EIF4B: variants seen among roughly 807,000 people sequenced by gnomAD.
EIF4B encodes the protein eukaryotic translation initiation factor 4B.
In EIF4B, 8 loss-of-function variants were observed where a neutral mutation model predicts 79.3. That is an observed-to-expected ratio of 0.10 (90% CI 0.06 to 0.18). EIF4B has a LOEUF of 0.18. Ranked by LOEUF, EIF4B falls within the 10% of genes least tolerant of loss-of-function variation. The pLI is 1.00. For synonymous variants in EIF4B, 238 were observed against 274.7 expected (o/e 0.87, Z 1.32); for missense variants, 515 against 792.4 (o/e 0.65, Z 4.20).
intron 3 of EIF4B, among the ~76,000 whole-genome samples, chr12:53,019,437 A>ATTT (rs1337954535): frequency 9.8e-5 from 5 of 51,002 alleles, no homozygotes; most frequent in East Asian, 6.4e-4. Flanking sequence ...ATATATATAT[A>ATTT]TTTTTTTTTT....
rs1445720757 is a variant in EIF4B, at chr12:53,016,615, C to A, written c.151+5C>A. The A allele has an allele frequency of 6.4e-6, 10 of 1,569,538 alleles. No individual in the cohort carries two copies. The highest frequency in any genetic ancestry group is 8.6e-6 in the Non-Finnish European group (10 of 1,161,830). ...CGGATGACCTGGAAGGAGATGGTAA[C>A]TTTTCTTTTGTCATCGTGTTTGGAA... On this transcript the variant is annotated splice_donor_5th_base_variant and intron_variant, in intron 2 of 14. Transcript: ENST00000262056.
At chr12:53,013,159 A>C (rs189866649) in intron 1 of EIF4B, among the ~76,000 whole-genome samples, 7 of 152,200 alleles carry the variant, frequency 4.6e-5, no homozygotes, top group African/African-American at 1.7e-4. Context: ...TTAATTCCAC[A>C]TTCTGCTGTT....
intron 1 of EIF4B, among the ~76,000 whole-genome samples, chr12:53,012,485 C>T (rs1314945879): frequency 4.7e-5 from 7 of 149,590 alleles, no homozygotes; most frequent in Non-Finnish European, 7.4e-5. Context: ...ACCCGGGAGG[C>T]GGAGGTTTCG....
At chr12:53,030,716 C>T (rs1337336988) in intron 8 of EIF4B, among the ~76,000 whole-genome samples, 7 of 151,896 alleles carry the variant, frequency 4.6e-5, no homozygotes, top group Admixed American at 1.3e-4. Context: ...AGTGAAAAAA[C>T]TACGTTCTTA....
At chr12:53,008,048 TA>T (rs1227350860) in intron 1 of EIF4B, among the ~76,000 whole-genome samples, 1 of 152,244 alleles carries the variant, frequency 6.6e-6, no homozygotes, top group Non-Finnish European at 1.5e-5. Context: ...AAAATGTTCA[TA>T]TTTTTTTCTC....
chr12:53,011,735 C>T (rs1327263534), intron 1 of EIF4B, among the ~76,000 whole-genome samples: 2 of 152,166 alleles, frequency 1.3e-5, no homozygotes, highest in South Asian at 2.1e-4. Flanking sequence ...TTAACGGCTT[C>T]TGGACTTAGC....
At position 53,040,185 on chromosome 12, in the gene EIF4B, G is replaced by C; in HGVS notation, c.1798G>C (p.Gly600Arg). Residue 600 changes from glycine (G) to arginine (R), a missense_variant, in exon 15 of 15, where the codon GGT (glycine) becomes CGT (arginine). Gly to Arg is a moderately radical substitution (Grantham distance 125). Around this residue, in one of 6 missense-constraint regions of EIF4B, gnomAD observed 60 missense variants for 56.7 expected, o/e 1.06. Coordinates refer to ENST00000262056, the MANE Select transcript of EIF4B (RefSeq NM_001417.7). ...ASKYAALSVD[G>R]EDENEGEDYA... Reference sequence around the variant, plus strand: ...CAAGTATGCTGCTCTCTCTGTTGATGGTGAAGATGAAAATGAGGGAGAAGA... The same window carrying C: ...CAAGTATGCTGCTCTCTCTGTTGATCGTGAAGATGAAAATGAGGGAGAAGA... 6.2e-7 allele frequency: 1 copy of C among 1,614,090 alleles called. No homozygotes were observed. The highest frequency in any genetic ancestry group is 8.5e-7 in the Non-Finnish European group (1 of 1,180,010).
chr12:53,039,812 G>A, intron 14 of EIF4B, 110 bp downstream of exon 14: 1 of 1,222,828 alleles, frequency 8.2e-7, no homozygotes, highest in Non-Finnish European at 1.1e-6. Context: ...TTTTGCCGTT[G>A]GACTTCTTTC....
chr12:53,034,794 T>A (rs1943509559), intron 10 of EIF4B, 85 bp downstream of exon 10: 1 of 1,459,568 alleles, frequency 6.9e-7, no homozygotes, highest in Admixed American at 1.7e-5. Flanking sequence ...CCTGCAATAT[T>A]TAAATTCAGT....
In EIF4B at chr12:53,006,457, T is replaced by C; in HGVS notation, c.-27T>C. 3 of 1,613,034 alleles carry C rather than the reference T, an allele frequency of 1.9e-6. No individual in the cohort carries two copies. The South Asian group carries it at 3.3e-5, about 18-fold the overall frequency. ...ATCACGTGATTGCCTCATCCGGGTC[T>C]TTTGCGTTCTCTTTCCCTCTCCCAA... On this transcript the variant is annotated 5_prime_UTR_variant, in exon 1 of 15. Coordinates refer to ENST00000262056, the MANE Select transcript of EIF4B (RefSeq NM_001417.7).
At chr12:53,016,204 C>T (rs1943146126) in intron 1 of EIF4B, among the ~76,000 whole-genome samples, 3 of 152,148 alleles carry the variant, frequency 2.0e-5, no homozygotes, top group African/African-American at 7.2e-5. Context: ...AGGTTGCCCC[C>T]ACACTCCAAA....
At chr12:53,038,546 G>A (rs2120988750) in intron 12 of EIF4B, 135 bp downstream of exon 12, 4 of 689,324 alleles carry the variant, frequency 5.8e-6, no homozygotes, top group Non-Finnish European at 4.4e-6. Flanking sequence ...CAGGCGCAGG[G>A]GCTCACACCT....
Position 53,037,525 on chromosome 12 carries a change from C to T in EIF4B, c.1423C>T (p.Pro475Ser), listed in dbSNP as rs1943559746. ...PKPDQPLKVM[P>S]APPPKENAWV... ...ACCTGATCAGCCCCTAAAGGTAATG[C>T]CAGCCCCTCCACCAAAGGAGAATGC... Residue 475 changes from proline (P) to serine (S), a missense_variant, in exon 11 of 15, where the codon CCA becomes TCA. Around this residue, in one of 6 missense-constraint regions of EIF4B, gnomAD observed 146 missense variants for 228.0 expected, o/e 0.64. Coordinates refer to ENST00000262056, the MANE Select transcript of EIF4B (RefSeq NM_001417.7). 6.2e-7 allele frequency: 1 copy of T among 1,613,758 alleles called. No individual in the cohort carries two copies. Among genetic ancestry groups the T allele is most frequent in the African/African-American group, 1.3e-5 (1 of 74,912 alleles).
intron 8 of EIF4B, among the ~76,000 whole-genome samples, chr12:53,032,813 A>C (rs554515710): frequency 1.3e-5 from 2 of 151,786 alleles, no homozygotes; most frequent in Admixed American, 6.6e-5. Context: ...CTGGGACTAC[A>C]GGCATGTGCC....
At chr12:53,024,294 G>C (rs1186498039) in intron 6 of EIF4B, among the ~76,000 whole-genome samples, 1 of 152,010 alleles carries the variant, frequency 6.6e-6, no homozygotes, top group Non-Finnish European at 1.5e-5. Flanking sequence ...TGGTTTGTCT[G>C]TAATCAAATA....
chr12:53,030,410 A>ATTTTTT (rs1555153412), intron 8 of EIF4B, among the ~76,000 whole-genome samples: 1 of 34,186 alleles, frequency 2.9e-5, no homozygotes, highest in Non-Finnish European at 9.3e-5. Context: ...AAAAAATTAT[A>ATTTTTT]TTCTTTTTTT....
intron 8 of EIF4B, among the ~76,000 whole-genome samples, chr12:53,031,459 A>G (rs1348509503): frequency 6.6e-6 from 1 of 152,256 alleles, no homozygotes; most frequent in East Asian, 1.9e-4. Flanking sequence ...TATTTTTTCT[A>G]AAGATGGGGT....
intron 1 of EIF4B, among the ~76,000 whole-genome samples, chr12:53,006,879 G>C (rs1942970324): frequency 6.6e-6 from 1 of 150,646 alleles, no homozygotes; most frequent in Admixed American, 6.7e-5. Flanking sequence ...GCGCGGACGA[G>C]TGCACATTAG....
chr12:53,023,578 ATTTTTT>A (rs1210893432), intron 6 of EIF4B, among the ~76,000 whole-genome samples: 1 of 109,226 alleles, frequency 9.2e-6, no homozygotes, highest in African/African-American at 3.7e-5. Context: ...AAAATGTAAA[ATTTTTT>A]TTTTTTTTTT....
Sources: gnomAD v4.1 joint callset for allele counts (sites outside exome capture counted in the v4.1 genomes callset) on GRCh38, gnomAD v4.1.1 for gene constraint, gnomAD v4.1.1 regional missense constraint, MANE v1.5 for transcripts, NCBI Gene and HGNC (gene_info 2026-07-23, HGNC 2026-07-21) for gene names.